PPFIA1: variants seen among roughly 807,000 people sequenced by gnomAD.
PPFIA1 encodes the protein liprin-alpha-1.
A neutral mutation model predicts 149.9 loss-of-function variants in PPFIA1; 25 were observed. The ratio of observed to expected loss-of-function variants is 0.17; its 90% CI spans 0.12 to 0.23. The LOEUF is 0.23. Ranked by LOEUF, PPFIA1 falls within the 10% of genes least tolerant of loss-of-function variation. The pLI is 1.00. For synonymous variants in PPFIA1, 549 were observed against 552.8 expected (o/e 0.99, Z 0.10); for missense variants, 1,362 against 1,506.5 (o/e 0.90, Z 1.59).
chr11:70,311,123 A>G (rs1343372657), intron 2 of PPFIA1, among the ~76,000 whole-genome samples: 1 of 152,154 alleles, frequency 6.6e-6, no homozygotes, highest in Non-Finnish European at 1.5e-5. Context: ...CAGCCTGACC[A>G]ACATGGAAAA....
intron 2 of PPFIA1, among the ~76,000 whole-genome samples, chr11:70,303,490 A>T (rs1039325155): frequency 2.6e-5 from 4 of 152,212 alleles, no homozygotes; most frequent in African/African-American, 9.7e-5. Flanking sequence ...GCATACCCTA[A>T]GGTTTTTCTG....
Position 70,343,801 on chromosome 11 carries a change from G to A in PPFIA1, c.1840G>A (p.Val614Ile), listed in dbSNP as rs769385938. 5.0e-6 allele frequency: 8 copies of A among 1,614,184 alleles called. No individual in the cohort carries two copies. The highest frequency in any genetic ancestry group is 6.8e-6 in the Non-Finnish European group (8 of 1,180,038). The change falls in exon 15 of 28, where the codon GTT becomes ATT. Residue 614 changes from valine to isoleucine, a missense_variant. Val to Ile is a conservative substitution (Grantham distance 29). This residue lies in a region of PPFIA1 where 733 missense variants were observed against 744.1 expected (regional missense o/e 0.99). Coordinates refer to ENST00000253925, the MANE Select transcript of PPFIA1 (RefSeq NM_003626.5). ...EDDRDTLLSS[V>I]DLLSPSGQAD... ...TGACAGGGACACTCTCCTCAGCTCA[G>A]TTGACCTGCTATCGCCCAGCGGGCA... is the stretch of plus-strand genomic sequence containing the variant.
rs772669489 is a variant in PPFIA1 at position 70,343,700 on chromosome 11, G to A, written c.1739G>A (p.Arg580His). The A allele has an allele frequency of 5.0e-6, 8 of 1,614,210 alleles. No homozygotes were observed. The highest frequency in any genetic ancestry group is 5.9e-6 in the Non-Finnish European group (7 of 1,180,028). Residue 580 changes from arginine to histidine, a missense_variant, in exon 15 of 28, where the codon CGT becomes CAT. Around this residue, in one of 7 missense-constraint regions of PPFIA1, gnomAD observed 733 missense variants for 744.1 expected, o/e 0.99. Coordinates refer to ENST00000253925, the MANE Select transcript of PPFIA1 (RefSeq NM_003626.5). Reference sequence around the variant, plus strand: ...ACTCTTAATGAGCAGGATTGGGAACGTGCCCAGCAAGCTAGTGTCTTGGCA... The same window carrying A: ...ACTCTTAATGAGCAGGATTGGGAACATGCCCAGCAAGCTAGTGTCTTGGCA... ...VQTLNEQDWE[R>H]AQQASVLANV...
chr11:70,290,357 G>A (rs1336896033), intron 2 of PPFIA1, among the ~76,000 whole-genome samples: 2 of 152,252 alleles, frequency 1.3e-5, no homozygotes, highest in Non-Finnish European at 2.9e-5. Flanking sequence ...CGATAGGTGG[G>A]GTGAGGACGT....
At chr11:70,331,719 G>A (rs1396946857) in intron 8 of PPFIA1, among the ~76,000 whole-genome samples, 1 of 151,546 alleles carries the variant, frequency 6.6e-6, no homozygotes, top group Non-Finnish European at 1.5e-5. Flanking sequence ...GGTGGAGGTT[G>A]CAGTGAGCCA....
Position 70,297,494 on chromosome 11 carries a change from G to A in PPFIA1, c.264+25058G>A, listed in dbSNP as rs868755792. 2.6e-5 allele frequency among the ~76,000 whole-genome samples: 4 copies of A among 152,306 alleles called. No individual in the cohort carries two copies. The Middle Eastern group carries it at 0.01, about 389-fold the overall frequency. ...CAGTAACAGTCTCTCCTTGTACTCA[G>A]TGTGTCCACAGTGGGTGTATTGTCT... On this transcript the variant is annotated intron_variant, in intron 2 of 27. Coordinates refer to ENST00000253925, the MANE Select transcript of PPFIA1 (RefSeq NM_003626.5).
At chr11:70,330,129 G>A (rs767483575) in intron 7 of PPFIA1, 44 bp from the exon 8 acceptor site, 30 of 1,502,954 alleles carry the variant, frequency 2.0e-5, no homozygotes, top group Middle Eastern at 1.7e-4. Flanking sequence ...ATGTGTAATC[G>A]TTAATTACCT....
chr11:70,333,460 C>G lies in PPFIA1; in HGVS notation c.1213-10C>G. 2.5e-6 allele frequency: 4 copies of G among 1,607,384 alleles called. No homozygotes were observed. The highest frequency in any genetic ancestry group is 3.4e-6 in the Non-Finnish European group (4 of 1,175,324). ...AGGATGACGTCAGCGTACGCTGTTT[C>G]TGCTGACAGGCTGAAGAGAGACACG... On this transcript the variant is annotated splice_polypyrimidine_tract_variant and intron_variant, in intron 9 of 27. Coordinates refer to ENST00000253925, the MANE Select transcript of PPFIA1 (RefSeq NM_003626.5).
intron 2 of PPFIA1, among the ~76,000 whole-genome samples, chr11:70,317,309 G>C (rs2053694789): frequency 6.6e-6 from 1 of 151,974 alleles, no homozygotes; most frequent in East Asian, 1.9e-4. Flanking sequence ...ATGCTTTTGG[G>C]ATCTTAAACT....
chr11:70,308,238 G>A (rs1335601813), intron 2 of PPFIA1, among the ~76,000 whole-genome samples: 2 of 152,128 alleles, frequency 1.3e-5, no homozygotes, highest in Non-Finnish European at 2.9e-5. Flanking sequence ...AGCAGAGACG[G>A]GGTTTCTCCA....
chr11:70,277,060 A>ATAATATATATATATATATATATATATTT, intron 2 of PPFIA1, among the ~76,000 whole-genome samples: 3 of 66,310 alleles, frequency 4.5e-5, no homozygotes, highest in African/African-American at 3.5e-4. Context: ...ATATATATAT[A>ATAATATATATATATATATATATATATTT]TTTTTTTTTT....
At chr11:70,335,453 C>G in intron 10 of PPFIA1, 110 bp from the exon 11 acceptor site, 1 of 1,311,888 alleles carries the variant, frequency 7.6e-7, no homozygotes, top group Non-Finnish European at 1.1e-6. Context: ...TGGGGAGCAA[C>G]TGGGGGAGGG....
intron 2 of PPFIA1, among the ~76,000 whole-genome samples, chr11:70,285,612 G>A (rs1377819347): frequency 6.6e-6 from 1 of 151,302 alleles, no homozygotes; most frequent in Non-Finnish European, 1.5e-5. Context: ...CCTGGGAGGT[G>A]GAGGTTGCAA....
In PPFIA1 at chr11:70,296,728, A is replaced by AGGGAGAGGGAGAGG. The variant is rs1448563841; in HGVS notation, c.264+24294_264+24307dup. On this transcript the variant is annotated intron_variant, in intron 2 of 27. Transcript: ENST00000253925. ...GGGAGACCATGGGGAGAGGGAGAGG[A>AGGGAGAGGGAGAGG]GGGAGAGGGAGAGGGAGAGAGGGAG... Among the ~76,000 whole-genome samples the AGGGAGAGGGAGAGG allele has an allele frequency of 8.1e-5, 5 of 61,914 alleles. No homozygotes were observed. The South Asian group carries it at 2.3e-3, about 29-fold the overall frequency. The allele number at this position is 61,914 out of a possible 152,430, so 40.6% of individuals were successfully genotyped here. A position where few individuals can be genotyped will look rare whatever the true frequency, so the allele number is the denominator to read the frequency against.
intron 2 of PPFIA1, among the ~76,000 whole-genome samples, chr11:70,288,069 CTT>C (rs56261744): frequency 2.2e-4 from 31 of 138,110 alleles, no homozygotes; most frequent in African/African-American, 5.3e-4. Context: ...CTCACCTCTG[CTT>C]TTTTTTTTTT....
At chr11:70,335,038 T>A (rs911958234) in intron 10 of PPFIA1, among the ~76,000 whole-genome samples, 1 of 152,266 alleles carries the variant, frequency 6.6e-6, no homozygotes, top group Non-Finnish European at 1.5e-5. Flanking sequence ...TTATTTATAA[T>A]TTTTGAATGT....
At chr11:70,308,038 C>A (rs918183785) in intron 2 of PPFIA1, among the ~76,000 whole-genome samples, 5 of 152,176 alleles carry the variant, frequency 3.3e-5, no homozygotes, top group African/African-American at 1.2e-4. Flanking sequence ...TATACACTGA[C>A]CTTAGTGATG....
intron 21 of PPFIA1, chr11:70,371,861 G>A (rs1239315825): frequency 6.0e-6 from 1 of 165,424 alleles, no homozygotes; most frequent in Non-Finnish European, 1.3e-5. Flanking sequence ...GAGCAGTGTT[G>A]AATTGAGCCT....
Position 70,326,609 on chromosome 11 carries a change from G to C in PPFIA1, c.721G>C (p.Gly241Arg). 1 of 1,613,176 alleles carries C rather than the reference G, an allele frequency of 6.2e-7. No individual in the cohort carries two copies. Among genetic ancestry groups the C allele is most frequent in the Non-Finnish European group, 8.5e-7 (1 of 1,179,566 alleles). The change falls in exon 7 of 28, where the codon GGT (glycine) becomes CGT (arginine). Residue 241 changes from glycine (G) to arginine (R), a missense_variant. Coordinates refer to ENST00000253925, the MANE Select transcript of PPFIA1 (RefSeq NM_003626.5). The stretch of plus-strand genomic sequence containing the variant: ...TTCCCCCTATCAGAGATCTTCTGAT[G>C]GTTCTTTAAGCCACGAGGAAGACCT... ...PSTSGKRSSD[G>R]SLSHEEDLAK...
Sources: allele counts gnomAD v4.1 joint callset (sites outside exome capture counted in the v4.1 genomes callset), GRCh38; gene constraint gnomAD v4.1.1; regional missense constraint gnomAD v4.1.1; transcripts MANE v1.5; gene names NCBI Gene and HGNC (gene_info 2026-07-23, HGNC 2026-07-21).